Variants in KIF15 observed in about 807,000 individuals in gnomAD.
KIF15 encodes the protein kinesin family member 15.
KIF15 carries 140 observed loss-of-function variants against 190.6 expected under a neutral mutation model. That is an observed-to-expected ratio of 0.73 (90% confidence interval 0.64 to 0.84). The LOEUF (loss-of-function observed/expected upper bound fraction) is 0.84, where lower values mean the gene tolerates loss of function less well. Ranked by LOEUF, KIF15 falls within the 40% of genes least tolerant of loss-of-function variation. The pLI, the probability that KIF15 is intolerant of heterozygous loss-of-function variation, is 0.00. For missense variants in KIF15, 1,372 were observed against 1,584.4 expected (o/e 0.87, Z 2.28); for synonymous variants, 528 against 551.3 (o/e 0.96, Z 0.59).
rs752600481 is a variant in KIF15 at position 44,841,247 on chromosome 3, A to G, written c.3585+9A>G. ...AAATCCTCAGAATGAAGGTAATTGG[A>G]TTTTTTTTCCAGTAAATTTAATTAT... On this transcript the variant is annotated intron_variant, in intron 29 of 34. Transcript: ENST00000326047. 2.5e-6 allele frequency: 4 copies of G among 1,587,902 alleles called. No homozygotes were observed. The highest frequency in any genetic ancestry group is 3.4e-6 in the Non-Finnish European group (4 of 1,170,536).
chr3:44,781,765 ATTTCTATTGACAACTGAATACC>A (rs1706175064), intron 5 of KIF15, among the ~76,000 whole-genome samples: 1 of 152,224 alleles, frequency 6.6e-6, no homozygotes, highest in African/African-American at 2.4e-5. Flanking sequence ...TTGTGTATTT[ATTTCTATTGACAACTGAATACC>A]TTTCATAGGT....
At chr3:44,805,471 G>A (rs1413420991) in intron 15 of KIF15, among the ~76,000 whole-genome samples, 1 of 152,168 alleles carries the variant, frequency 6.6e-6, no homozygotes, top group Non-Finnish European at 1.5e-5. Flanking sequence ...GTATAGGTTT[G>A]TTAATATTCC....
intron 1 of KIF15, among the ~76,000 whole-genome samples, chr3:44,768,667 A>G (rs1705514930): frequency 6.6e-6 from 1 of 152,244 alleles, no homozygotes. Flanking sequence ...CTAAAGAAGT[A>G]CATCTAACTG....
In KIF15 at chr3:44,838,267, C is replaced by T. The variant is rs905626350; in HGVS notation, c.3172-8C>T. 4 of 1,593,222 alleles carry T rather than the reference C, an allele frequency of 2.5e-6. No homozygotes were observed. Among genetic ancestry groups the T allele is most frequent in the African/African-American group, 1.4e-5 (1 of 73,654 alleles). ...AATTAAGAAACTGTGATGATTGTCT[C>T]CTAACAGAGGGATATGCTCTGTGAG... On this transcript the variant is annotated splice_polypyrimidine_tract_variant and splice_region_variant and intron_variant, in intron 26 of 34. Transcript: ENST00000326047.
In KIF15 at chr3:44,801,986, G is replaced by A. The variant is rs772132347; in HGVS notation, c.1509+12G>A. Reference sequence around the variant, plus strand: ...CTCTGCGAGAACAAGTGAGTATACGGCATCTATAATATTTCTAAAAATAAA... The same window carrying A: ...CTCTGCGAGAACAAGTGAGTATACGACATCTATAATATTTCTAAAAATAAA... On this transcript the variant is annotated intron_variant, in intron 13 of 34. Coordinates refer to ENST00000326047, the MANE Select transcript of KIF15 (RefSeq NM_020242.3). The A allele has an allele frequency of 6.4e-6, 10 of 1,553,722 alleles. No individual in the cohort carries two copies.
chr3:44,812,220 A>C lies in KIF15; in HGVS notation c.2208A>C (p.Glu736Asp). Residue 736 changes from glutamate (E) to aspartate (D), a missense_variant, in exon 18 of 35, where the codon GAA (glutamate) becomes GAC (aspartate). Physicochemically the swap from Glu to Asp is conservative, Grantham distance 45. Transcript: ENST00000326047. ...CTCTTCAAGCCAAACTGGATGAAGA[A>C]GAGCATAAAAACCTAAAGCTTCAGC... ...MSALQAKLDE[E>D]EHKNLKLQQH... 6.2e-7 allele frequency: 1 copy of C among 1,614,166 alleles called. No individual in the cohort carries two copies. The highest frequency in any genetic ancestry group is 8.5e-7 in the Non-Finnish European group (1 of 1,180,020).
chr3:44,862,106 T>C (rs1699261217), intron 6 of KIF15: 1 of 1,075,732 alleles, frequency 9.3e-7, no homozygotes, highest in African/African-American at 1.7e-5. Context: ...AAGCTGGCCT[T>C]CGGCAGCGAG....
In KIF15 at chr3:44,826,101, A is replaced by G. The variant is rs1249097664; in HGVS notation, c.2612A>G (p.Gln871Arg). The change falls in exon 21 of 35, where the codon CAA (glutamine) becomes CGA (arginine). Residue 871 changes from glutamine to arginine, a missense_variant. Gln to Arg is a conservative substitution (Grantham distance 43). Transcript: ENST00000326047. ...CTACAGGATTCCTATGACAACTTAC[A>G]AGAAATAATGAAATTTGAGATTGAC... is the stretch of plus-strand genomic sequence containing the variant. ...ACLQDSYDNL[Q>R]EIMKFEIDQL... 1.3e-6 allele frequency: 2 copies of G among 1,590,090 alleles called. No homozygotes were observed. The highest frequency in any genetic ancestry group is 1.2e-5 in the South Asian group (1 of 85,364).
At chr3:44,773,429 C>A (rs1170019024) in intron 1 of KIF15, among the ~76,000 whole-genome samples, 5 of 152,188 alleles carry the variant, frequency 3.3e-5, no homozygotes, top group African/African-American at 1.2e-4. Context: ...CCAGCCCCAC[C>A]CAGAAGGGGA....
intron 6 of KIF15, chr3:44,864,173 C>T: frequency 1.2e-6 from 2 of 1,612,862 alleles, no homozygotes; most frequent in Middle Eastern, 1.9e-4. Context: ...GTGGACGTGG[C>T]TGCAGTGACA....
chr3:44,820,403 G>A (rs969054344), intron 20 of KIF15, among the ~76,000 whole-genome samples: 2 of 151,712 alleles, frequency 1.3e-5, no homozygotes, highest in African/African-American at 4.9e-5. Flanking sequence ...CACAGAGGGG[G>A]ATTTGGCAGG....
intron 16 of KIF15, among the ~76,000 whole-genome samples, chr3:44,806,307 G>C (rs1399328612): frequency 6.6e-6 from 1 of 152,148 alleles, no homozygotes; most frequent in Non-Finnish European, 1.5e-5. Context: ...CAGAGTTTTA[G>C]AGTACTAAAT....
At chr3:44,790,212 C>G (rs371477851) in intron 7 of KIF15, among the ~76,000 whole-genome samples, 1 of 151,708 alleles carries the variant, frequency 6.6e-6, no homozygotes, top group Non-Finnish European at 1.5e-5. Flanking sequence ...GAGTCTCACT[C>G]TCTCTCCAAG....
chr3:44,779,636 C>T (rs1341948140), intron 4 of KIF15, among the ~76,000 whole-genome samples: 2 of 151,894 alleles, frequency 1.3e-5, no homozygotes, highest in Non-Finnish European at 2.9e-5. Flanking sequence ...AGTTCAAGAC[C>T]AGCCTGGCCA....
At chr3:44,792,901 T>C (rs542270186) in intron 7 of KIF15, among the ~76,000 whole-genome samples, 68 of 152,282 alleles carry the variant, frequency 4.5e-4, no homozygotes, top group Non-Finnish European at 7.4e-4. Flanking sequence ...TTCTTTTGTA[T>C]ACATTATTTT....
chr3:44,776,080 A>G (rs1705876261), intron 3 of KIF15, among the ~76,000 whole-genome samples: 1 of 136,004 alleles, frequency 7.4e-6, no homozygotes, highest in African/African-American at 2.7e-5. Context: ...ACTCTGTCTC[A>G]AAAAAAAAAA....
downstream of KIF15, among the ~76,000 whole-genome samples, chr3:44,854,711 C>A (rs1240619330): frequency 6.6e-6 from 1 of 152,112 alleles, no homozygotes; most frequent in Admixed American, 6.5e-5. Flanking sequence ...TGGAGGCGAG[C>A]AGTCCAAAAT....
intron 28 of KIF15, among the ~76,000 whole-genome samples, 199 bp downstream of exon 28, chr3:44,840,655 ATTTTTTTTTTTTTTTTTTT>A (rs60621752): frequency 1.5e-5 from 1 of 67,024 alleles, no homozygotes; most frequent in African/African-American, 5.3e-5. Context: ...TAAGCAGCGG[ATTTTTTTTTTTTTTTTTTT>A]TTTTTTTTTT....
chr3:44,790,699 T>C (rs913251473), intron 7 of KIF15, among the ~76,000 whole-genome samples: 2 of 49,970 alleles, frequency 4.0e-5, no homozygotes, highest in African/African-American at 4.8e-5. Context: ...CTGTTTCTTT[T>C]TTTTTTTTTT....
Sources: allele counts gnomAD v4.1 joint callset (sites outside exome capture counted in the v4.1 genomes callset), GRCh38; gene constraint gnomAD v4.1.1; transcripts MANE v1.5; gene names NCBI Gene and HGNC (gene_info 2026-07-23, HGNC 2026-07-21).